SLC44A1: variants seen among roughly 807,000 people sequenced by gnomAD.
SLC44A1 encodes the protein solute carrier family 44 member 1, also known as choline transporter-like protein 1.
In SLC44A1, 26 loss-of-function variants were observed where a neutral mutation model predicts 79.3. That is an observed-to-expected ratio of 0.33 (90% CI 0.24 to 0.46). The LOEUF is 0.46. Ranked by LOEUF, SLC44A1 falls within the 20% of genes least tolerant of loss-of-function variation. The probability of loss-of-function intolerance (pLI) is 1.00; values close to 1 mark genes in which losing one functional copy is unlikely to be tolerated. For synonymous variants in SLC44A1, 263 were observed against 286.2 expected (o/e 0.92, Z 0.82); for missense variants, 688 against 798.1 (o/e 0.86, Z 1.66).
At chr9:105,264,946 G>A (rs1488102647) in intron 1 of SLC44A1, among the ~76,000 whole-genome samples, 3 of 151,928 alleles carry the variant, frequency 2.0e-5, no homozygotes, top group Admixed American at 1.3e-4. Flanking sequence ...ACAGGCATGC[G>A]CCACCACGCC....
chr9:105,420,014 C>T (rs1311273658), intron 15 of SLC44A1, among the ~76,000 whole-genome samples: 1 of 151,938 alleles, frequency 6.6e-6, no homozygotes, highest in Non-Finnish European at 1.5e-5. Context: ...CCATGCAGTG[C>T]TCCTTGCCCT....
intron 1 of SLC44A1, among the ~76,000 whole-genome samples, chr9:105,247,720 C>G (rs576643770): frequency 1.3e-5 from 2 of 152,358 alleles, no homozygotes; most frequent in African/African-American, 4.8e-5. Flanking sequence ...CAGTGCCTCA[C>G]TGTACCTTGT....
intron 1 of SLC44A1, among the ~76,000 whole-genome samples, chr9:105,264,703 T>A (rs1010929408): frequency 1.3e-5 from 2 of 152,184 alleles, no homozygotes; most frequent in Non-Finnish European, 2.9e-5. Context: ...CCTGAATAGA[T>A]CTCTCCCATA....
Position 105,422,281 on chromosome 9 carries a change from C to CTTT in SLC44A1, c.1951-15976_1951-15974dup, listed in dbSNP as rs554922812. Among the ~76,000 whole-genome samples, 33 of 95,924 alleles carry CTTT rather than the reference C, an allele frequency of 3.4e-4. 2 individuals carry two copies. Among genetic ancestry groups the CTTT allele is most frequent in the South Asian group, 7.5e-4 (2 of 2,664 alleles). The allele number at this position is 95,924 out of a possible 152,430, so 62.9% of individuals were successfully genotyped here. On this transcript the variant is annotated intron_variant, in intron 15 of 15. Coordinates refer to the SLC44A1 transcript ENST00000374724. ...CTGACCTTGGGCCTCCTGCTCCATC[C>CTTT]TTTTTTTTTTTTTTTTTTTTTTTTT...
chr9:105,437,770 T>G (rs1316567557), intron 15 of SLC44A1, among the ~76,000 whole-genome samples: 1 of 152,202 alleles, frequency 6.6e-6, no homozygotes, highest in Non-Finnish European at 1.5e-5. Context: ...CAAAGTTTCA[T>G]TTGCATTTCA....
chr9:105,310,649 A>G (rs1381361026), intron 3 of SLC44A1, among the ~76,000 whole-genome samples: 2 of 152,236 alleles, frequency 1.3e-5, no homozygotes, highest in Non-Finnish European at 2.9e-5. Context: ...CTAAGCAGGT[A>G]TCATTTTTAA....
At chr9:105,347,689 A>G (rs1244430988) in intron 4 of SLC44A1, among the ~76,000 whole-genome samples, 1 of 152,038 alleles carries the variant, frequency 6.6e-6, no homozygotes, top group African/African-American at 2.4e-5. Flanking sequence ...TAGCCAATCT[A>G]AAGTTGAATT....
chr9:105,262,341 T>C (rs542749853), intron 1 of SLC44A1, among the ~76,000 whole-genome samples: 1 of 152,338 alleles, frequency 6.6e-6, no homozygotes, highest in Admixed American at 6.5e-5. Flanking sequence ...AAAAAAATAC[T>C]GTCCTTGAGT....
chr9:105,246,349 A>T (rs1012130126), intron 1 of SLC44A1, among the ~76,000 whole-genome samples: 2 of 149,986 alleles, frequency 1.3e-5, no homozygotes, highest in Non-Finnish European at 3.0e-5. Flanking sequence ...TTAGGTATCC[A>T]TCCTATCATC....
chr9:105,435,567 G>T (rs1174640698), intron 15 of SLC44A1, among the ~76,000 whole-genome samples: 1 of 152,162 alleles, frequency 6.6e-6, no homozygotes, highest in East Asian at 1.9e-4. Context: ...ATATCACAAT[G>T]GTGGAATGCT....
Position 105,390,465 on chromosome 9 carries a change from A to G in SLC44A1, c.*1409A>G. 1 of 730,730 alleles carries G rather than the reference A, an allele frequency of 1.4e-6. No homozygotes were observed. Among genetic ancestry groups the G allele is most frequent in the Non-Finnish European group, 1.6e-6 (1 of 608,250 alleles). The allele number at this position is 730,730 out of a possible 1,614,324, so 45.3% of individuals were successfully genotyped here. A position where few individuals can be genotyped will look rare whatever the true frequency, so the allele number is the denominator to read the frequency against. ...AAAAAAAAAAAAGCCTCAGCATTTTATCATTCCATGGAAGGAGAATCTTTT... is the reference window on the plus strand; with the variant it reads ...AAAAAAAAAAAAGCCTCAGCATTTTGTCATTCCATGGAAGGAGAATCTTTT... On this transcript the variant is annotated 3_prime_UTR_variant, in exon 16 of 16. Transcript: ENST00000374720.
At chr9:105,399,181 G>T (rs551534680), downstream of SLC44A1, among the ~76,000 whole-genome samples, 1 of 152,274 alleles carries the variant, frequency 6.6e-6, no homozygotes, top group South Asian at 2.1e-4. Context: ...GATTCACCTA[G>T]GTTAAATTTA....
At chr9:105,433,588 G>A (rs1017525428) in intron 15 of SLC44A1, among the ~76,000 whole-genome samples, 6 of 151,808 alleles carry the variant, frequency 4.0e-5, no homozygotes, top group South Asian at 4.2e-4. Flanking sequence ...TTAAGATACC[G>A]CACTCCCTCC....
At chr9:105,275,263 G>T (rs1830172532) in intron 1 of SLC44A1, among the ~76,000 whole-genome samples, 2 of 152,128 alleles carry the variant, frequency 1.3e-5, no homozygotes, top group Non-Finnish European at 2.9e-5. Context: ...CTTCAGCTTT[G>T]ATTTTAGCTC....
chr9:105,299,505 A>G lies in SLC44A1; in HGVS notation c.126+196A>G, dbSNP rs1165990577. Among the ~76,000 whole-genome samples, 8 of 152,260 alleles carry G rather than the reference A, an allele frequency of 5.3e-5. No individual in the cohort carries two copies. The East Asian group carries it at 5.8e-4, about 11-fold the overall frequency. ...GCAGCTGGGACTCATATGCCATTCA[A>G]TAGACCATTTCAGAAAGCAAATCAT... On this transcript the variant is annotated intron_variant, in intron 2 of 15. Coordinates refer to ENST00000374720, the MANE Select transcript of SLC44A1 (RefSeq NM_080546.5).
chr9:105,346,961 G>T (rs1475537402), intron 4 of SLC44A1, among the ~76,000 whole-genome samples: 1 of 151,958 alleles, frequency 6.6e-6, no homozygotes, highest in East Asian at 1.9e-4. Flanking sequence ...TGCTATTAAG[G>T]CTCACATATT....
intron 3 of SLC44A1, among the ~76,000 whole-genome samples, chr9:105,310,783 G>A (rs1831159519): frequency 6.6e-6 from 1 of 152,198 alleles, no homozygotes; most frequent in South Asian, 2.1e-4. Flanking sequence ...ATTTGATAAT[G>A]TCACAAACCT....
intron 12 of SLC44A1, among the ~76,000 whole-genome samples, chr9:105,373,662 A>T (rs953775912): frequency 6.6e-6 from 1 of 152,202 alleles, no homozygotes; most frequent in African/African-American, 2.4e-5. Context: ...CAATGTCCCA[A>T]CTGTCACCAG....
At position 105,347,925 on chromosome 9, in the gene SLC44A1, G is replaced by A. The variant is rs532739162; in HGVS notation, c.407-433G>A. Among the ~76,000 whole-genome samples the A allele has an allele frequency of 1.2e-4, 19 of 152,174 alleles. No individual in the cohort carries two copies. In the South Asian group the frequency reaches 3.9e-3, roughly 32 times the overall value. On this transcript the variant is annotated intron_variant, in intron 4 of 15. Coordinates refer to ENST00000374720, the MANE Select transcript of SLC44A1 (RefSeq NM_080546.5). The stretch of plus-strand genomic sequence containing the variant: ...TGAGCACAGGCTTTGTAGTGAAAGA[G>A]ATGTGGTGTTTAATCCCAGTTCTAC...
Sources: allele counts gnomAD v4.1 joint callset (sites outside exome capture counted in the v4.1 genomes callset), GRCh38; gene constraint gnomAD v4.1.1; transcripts MANE v1.5; gene names NCBI Gene and HGNC (gene_info 2026-07-23, HGNC 2026-07-21).